The following TUSC3 variants were observed in gnomAD, a reference collection of about 807,000 sequenced individuals.
TUSC3 encodes dolichyl-diphosphooligosaccharide--protein glycosyltransferase subunit TUSC3.
TUSC3 carries 45 observed loss-of-function variants against 44.8 expected under a neutral mutation model. The ratio of observed to expected loss-of-function variants is 1.00; its 90% CI spans 0.79 to 1.29. The LOEUF (loss-of-function observed/expected upper bound fraction) is 1.29. Ranked by LOEUF, TUSC3 falls within the 50% of genes most tolerant of loss-of-function variation. The pLI is 0.00. For missense variants in TUSC3, 519 were observed against 437.9 expected (o/e 1.19, Z -1.65); for synonymous variants, 212 against 152.9 (o/e 1.39, Z -2.85).
At chr8:15,493,168 G>C (rs980644341) in intron 2 of TUSC3, among the ~76,000 whole-genome samples, 1 of 152,176 alleles carries the variant, frequency 6.6e-6, no homozygotes, top group African/African-American at 2.4e-5. Context: ...AAGTGACAAA[G>C]TGAATGAAAG....
At chr8:15,527,148 A>G (rs537471499) in intron 2 of TUSC3, among the ~76,000 whole-genome samples, 20 of 152,302 alleles carry the variant, frequency 1.3e-4, no homozygotes, top group East Asian at 1.9e-4. Flanking sequence ...AAAGAAAACA[A>G]TAGTTCTTGT....
chr8:15,639,135 G>C (rs984900675), intron 2 of TUSC3, among the ~76,000 whole-genome samples: 1 of 149,360 alleles, frequency 6.7e-6, no homozygotes, highest in Admixed American at 6.7e-5. Flanking sequence ...ATCACGTGAT[G>C]TTCAGGGCTT....
chr8:15,422,063 C>A (rs1248506652), intron 1 of TUSC3, among the ~76,000 whole-genome samples: 2 of 152,106 alleles, frequency 1.3e-5, no homozygotes, highest in Non-Finnish European at 2.9e-5. Flanking sequence ...TCTCTAGATT[C>A]TTTTCTTTAC....
intron 8 of TUSC3, among the ~76,000 whole-genome samples, chr8:15,746,093 G>T (rs917397013): frequency 6.6e-6 from 1 of 151,958 alleles, no homozygotes; most frequent in Non-Finnish European, 1.5e-5. Context: ...TTATTTCTGC[G>T]ATTTCTATTC....
chr8:15,757,167 C>G (rs1385129333), intron 9 of TUSC3, among the ~76,000 whole-genome samples: 1 of 152,042 alleles, frequency 6.6e-6, no homozygotes, highest in African/African-American at 2.4e-5. Flanking sequence ...AAAGAGGTAT[C>G]GCAGTTCCAA....
At chr8:15,720,264 A>G (rs536962520) in intron 6 of TUSC3, among the ~76,000 whole-genome samples, 23 of 151,530 alleles carry the variant, frequency 1.5e-4, no homozygotes, top group African/African-American at 5.6e-4. Context: ...ACCTTGATTC[A>G]CACTGATAGT....
intron 2 of TUSC3, among the ~76,000 whole-genome samples, chr8:15,526,508 G>A (rs1801374909): frequency 6.6e-6 from 1 of 152,218 alleles, no homozygotes; most frequent in South Asian, 2.1e-4. Context: ...TGAATGGTGG[G>A]GGCAGGTTTC....
the TUSC3 span, among the ~76,000 whole-genome samples, chr8:15,837,305 A>G: frequency 1.3e-5 from 2 of 152,162 alleles, no homozygotes; most frequent in African/African-American, 4.8e-5. Context: ...CCAAACTGTA[A>G]ATTGAAGCAT....
At chr8:15,443,890 G>GA (rs1800056755) in intron 1 of TUSC3, among the ~76,000 whole-genome samples, 1 of 151,838 alleles carries the variant, frequency 6.6e-6, no homozygotes, top group African/African-American at 2.4e-5. Context: ...GCCCCCACCC[G>GA]GGAACTGACT....
At chr8:15,617,120 A>G (rs1019149062) in intron 1 of TUSC3, among the ~76,000 whole-genome samples, 7 of 123,718 alleles carry the variant, frequency 5.7e-5, no homozygotes, top group Non-Finnish European at 9.7e-5. Flanking sequence ...TATCTGTAAA[A>G]TGTGTGTGTG....
In TUSC3 at chr8:15,700,490, GA is replaced by G. The variant is rs149952861; in HGVS notation, c.798+26661del. Among the ~76,000 whole-genome samples the G allele has an allele frequency of 4.4e-3, 666 of 152,116 alleles. 8 individuals are homozygous for G. In the East Asian group the frequency reaches 0.064, roughly 15 times the overall value. ...CTTTTCCTTAGGCTGGATATTGTAGGAAAAAAATTAAATTTCTTCAGTTAAT... is the reference window on the plus strand; with the variant it reads ...CTTTTCCTTAGGCTGGATATTGTAGGAAAAAATTAAATTTCTTCAGTTAAT... On this transcript the variant is annotated intron_variant, in intron 6 of 10. Transcript: ENST00000503731.
chr8:15,806,296 C>A, the TUSC3 span: 78,870 of 682,864 alleles, frequency 0.12, 4,887 homozygotes, highest in East Asian at 0.15. Flanking sequence ...AATGTGTACA[C>A]CACATGGACT....
the TUSC3 span, among the ~76,000 whole-genome samples, chr8:15,844,091 T>G: frequency 1.3e-5 from 2 of 152,156 alleles, no homozygotes; most frequent in Non-Finnish European, 2.9e-5. Flanking sequence ...GGAACAATGG[T>G]CCTGTCCCCT....
At chr8:15,712,293 T>C (rs1809886600) in intron 6 of TUSC3, among the ~76,000 whole-genome samples, 1 of 152,054 alleles carries the variant, frequency 6.6e-6, no homozygotes, top group East Asian at 1.9e-4. Context: ...CTGTTGATTC[T>C]TTTAGCAAAC....
intron 6 of TUSC3, among the ~76,000 whole-genome samples, chr8:15,723,732 A>G (rs1479020828): frequency 1.3e-5 from 2 of 152,158 alleles, no homozygotes; most frequent in Non-Finnish European, 2.9e-5. Context: ...ATTTTGTGCA[A>G]TGACAGTGAT....
intron 2 of TUSC3, among the ~76,000 whole-genome samples, chr8:15,642,859 T>A (rs1213329549): frequency 6.6e-6 from 1 of 152,360 alleles, no homozygotes; most frequent in East Asian, 1.9e-4. Context: ...ATGTCTTACC[T>A]CTTCCAAACA....
In TUSC3 at chr8:15,497,471, C is replaced by T. The variant is rs1219614213; in HGVS notation, n.189+13988C>T. On this transcript the variant is annotated intron_variant and non_coding_transcript_variant, in intron 2 of 5. Transcript: ENST00000503191. ...GATTCCAGAACTAAGGGAGCTAGTG[C>T]CTTTTCTTAGAAAACTTACACAAAC... 2.0e-5 allele frequency among the ~76,000 whole-genome samples: 3 copies of T among 152,110 alleles called. No homozygotes were observed. In the South Asian group the frequency reaches 6.2e-4, roughly 32 times the overall value.
rs367932724 is a variant in TUSC3, at chr8:15,427,075, G to GTTTTTT, written n.91+9773_91+9774insTTTTTT. ...AATTAGTTTTTGTTTGTTGTTTGGT[G>GTTTTTT]TTTGTTTTTTTTTTGCCATTGATTT... On this transcript the variant is annotated intron_variant and non_coding_transcript_variant, in intron 1 of 5. Transcript: ENST00000503191. 5.4e-3 allele frequency among the ~76,000 whole-genome samples: 791 copies of GTTTTTT among 145,884 alleles called. 9 individuals are homozygous for GTTTTTT. The highest frequency in any genetic ancestry group is 8.3e-3 in the Non-Finnish European group (552 of 66,288).
intron 2 of TUSC3, among the ~76,000 whole-genome samples, chr8:15,508,579 A>G (rs1801090907): frequency 1.4e-5 from 2 of 141,688 alleles, no homozygotes; most frequent in African/African-American, 5.2e-5. Flanking sequence ...CTCCTGCCTC[A>G]GCCTCCCGAG....
Sources: allele counts gnomAD v4.1 joint callset (sites outside exome capture counted in the v4.1 genomes callset), GRCh38; gene constraint gnomAD v4.1.1; transcripts MANE v1.5; gene names NCBI Gene and HGNC (gene_info 2026-07-23, HGNC 2026-07-21).